Variants in ACSL6 observed in about 807,000 individuals in gnomAD.
ACSL6 encodes long-chain-fatty-acid--CoA ligase 6.
A neutral mutation model predicts 98.2 loss-of-function variants in ACSL6; 47 were observed. That is an observed-to-expected ratio of 0.48 (90% confidence interval 0.38 to 0.61). The LOEUF is 0.61. ACSL6 is among the 20% of genes least tolerant of loss of function. The pLI is 0.00. For missense variants in ACSL6, 761 were observed against 913.4 expected, an observed-to-expected ratio of 0.83 and a Z score of 2.15; for synonymous variants, 362 against 336.9, an observed-to-expected ratio of 1.07 and a Z score of -0.82.
chr5:131,985,178 G>A (rs1175798146), intron 9 of ACSL6: 3 of 571,570 alleles, frequency 5.2e-6, no homozygotes, highest in Non-Finnish European at 9.5e-6. Flanking sequence ...AGCTCTGGGA[G>A]GTGCCAAGCC....
intron 1 of ACSL6, among the ~76,000 whole-genome samples, chr5:132,008,532 G>A (rs1363588348): frequency 1.3e-5 from 2 of 152,018 alleles, no homozygotes; most frequent in African/African-American, 4.8e-5. Context: ...ACATCATAAC[G>A]ACCTCCTACT....
chr5:131,991,495 T>C (rs1446850225), intron 2 of ACSL6, among the ~76,000 whole-genome samples: 1 of 152,112 alleles, frequency 6.6e-6, no homozygotes, highest in Non-Finnish European at 1.5e-5. Flanking sequence ...GAAGGTTCTG[T>C]CCCAGGCACA....
At chr5:131,991,084 G>T in intron 2 of ACSL6, 117 bp from the exon 3 acceptor site, 1 of 792,072 alleles carries the variant, frequency 1.3e-6, no homozygotes, top group Non-Finnish European at 2.1e-6. Context: ...CATGCAGTTA[G>T]CACCGTGGCA....
In ACSL6 at chr5:131,973,128, T is replaced by A. The variant is rs150339306; in HGVS notation, c.1203+138A>T. ...CAGGAGAAGGAAGAATGAGAAAGAG[T>A]CAGGAACTACAAGAGAGGAGGCAAG... is the stretch of plus-strand genomic sequence containing the variant. On this transcript the variant is annotated intron_variant, in intron 12 of 20. Coordinates refer to ENST00000651883, the MANE Select transcript of ACSL6 (RefSeq NM_001009185.3). The A allele has an allele frequency of 1.2e-3, 1,436 of 1,199,224 alleles. 33 individuals are homozygous for A. The East Asian group carries it at 0.033, about 28-fold the overall frequency. The allele number at this position is 1,199,224 out of a possible 1,614,324, so 74.3% of individuals were successfully genotyped here. A position where few individuals can be genotyped will look rare whatever the true frequency, so the allele number is the denominator to read the frequency against.
intron 7 of ACSL6, among the ~76,000 whole-genome samples, chr5:131,987,620 G>A (rs1754268306): frequency 6.6e-6 from 1 of 152,212 alleles, no homozygotes; most frequent in African/African-American, 2.4e-5. Context: ...GGGAGGCCAG[G>A]CACAGAAACA....
At chr5:132,005,552 C>T (rs935298930) in intron 1 of ACSL6, among the ~76,000 whole-genome samples, 11 of 152,250 alleles carry the variant, frequency 7.2e-5, no homozygotes, top group Non-Finnish European at 1.3e-4. Flanking sequence ...CCTCTAGCTG[C>T]CCTTTCTATC....
At chr5:131,991,464 A>T (rs421377) in intron 2 of ACSL6, among the ~76,000 whole-genome samples, 95,885 of 152,052 alleles carry the variant, frequency 0.63, 34,049 homozygotes, top group Non-Finnish European at 0.81. Flanking sequence ...CACATAATGA[A>T]GTGAGTTAGA....
rs1375561134 is a variant in ACSL6 at position 131,951,126 on chromosome 5, T to C, written c.*3108A>G. 1 of 201,806 alleles carries C rather than the reference T, an allele frequency of 5.0e-6. No homozygotes were observed. The highest frequency in any genetic ancestry group is 1.0e-5 in the Non-Finnish European group (1 of 98,204). 12.5% of individuals were successfully genotyped at this position (201,806 alleles called of 1,614,324 possible). A position where few individuals can be genotyped will look rare whatever the true frequency, so the allele number is the denominator to read the frequency against. The stretch of plus-strand genomic sequence containing the variant: ...CACAAAAGGATCTGTTTGCAAAATA[T>C]GAGAATTACTAATACATTTGAATAA... On this transcript the variant is annotated 3_prime_UTR_variant, in exon 21 of 21. Coordinates refer to ENST00000651883, the MANE Select transcript of ACSL6 (RefSeq NM_001009185.3).
upstream of ACSL6, chr5:132,011,905 C>G (rs771034088): frequency 1.9e-6 from 3 of 1,556,002 alleles, no homozygotes; most frequent in Non-Finnish European, 2.6e-6. The surrounding 1 kb of genome is among the most constrained non-coding windows in gnomAD (Gnocchi z 5.4). Context: ...CGCTCTCCAA[C>G]GTCAGTACCT....
In ACSL6 at chr5:131,953,413, A is replaced by G. The variant is rs1296002035; in HGVS notation, c.*821T>C. The G allele has an allele frequency of 1.1e-5, 2 of 184,486 alleles. No individual in the cohort carries two copies. Among genetic ancestry groups the G allele is most frequent in the Non-Finnish European group, 2.3e-5 (2 of 86,980 alleles). 11.4% of individuals were successfully genotyped at this position (184,486 alleles called of 1,614,324 possible). ...AGGATCCCTTGAGCTCAGGAGTTTG[A>G]GACCAGCCTGAGCAAAATCTCTAAA... On this transcript the variant is annotated 3_prime_UTR_variant, in exon 21 of 21. Transcript: ENST00000651883.
At chr5:131,985,836 C>T (rs1034608772) in intron 8 of ACSL6, among the ~76,000 whole-genome samples, 1 of 152,188 alleles carries the variant, frequency 6.6e-6, no homozygotes, top group African/African-American at 2.4e-5. Context: ...CAGTTCCCTC[C>T]CTCCTTCCCA....
intron 1 of ACSL6, chr5:131,999,447 C>CCCACTAG (rs1254528553): frequency 6.6e-6 from 1 of 152,236 alleles, no homozygotes; most frequent in Non-Finnish European, 1.5e-5. Context: ...GAGGAGGCGG[C>CCCACTAG]TGAGCTCGTC....
At chr5:131,985,536 C>A (rs951832574) in intron 8 of ACSL6, 78 bp from the exon 9 acceptor site, 26 of 1,462,726 alleles carry the variant, frequency 1.8e-5, no homozygotes, top group South Asian at 1.4e-4. Flanking sequence ...GGCTCCCCAA[C>A]CAGCCAGGCC....
rs895233955 is a variant in ACSL6 at position 132,011,325 on chromosome 5, A to T, written c.49+180T>A. On this transcript the variant is annotated intron_variant, in intron 1 of 20. Coordinates refer to ENST00000651883, the MANE Select transcript of ACSL6 (RefSeq NM_001009185.3). The surrounding 1 kb of genome is among the most constrained non-coding windows in gnomAD (Gnocchi z 5.4). ...CAGGTGCTCCCCAAACCCGGCCCGG[A>T]GCCCGCGAGAACTGGGGGCGGAGGG... is the stretch of plus-strand genomic sequence containing the variant. The T allele has an allele frequency of 1.4e-5, 9 of 643,774 alleles. No individual in the cohort carries two copies. In the Admixed American group the frequency reaches 1.6e-4, roughly 12 times the overall value. 39.9% of individuals were successfully genotyped at this position (643,774 alleles called of 1,614,324 possible).
At chr5:132,009,487 G>A (rs1755594823) in intron 1 of ACSL6, among the ~76,000 whole-genome samples, 1 of 152,208 alleles carries the variant, frequency 6.6e-6, no homozygotes, top group Non-Finnish European at 1.5e-5. Flanking sequence ...GGGGCCAGGT[G>A]GAGTCTCAAG....
Position 131,988,901 on chromosome 5 carries a change from T to C in ACSL6, c.556A>G (p.Ile186Val). ...GVFAQNRPEW[I>V]IVELACYTYS... ...GTGTAGCAGGCCAGCTCCACAATGA[T>C]CCACTGTGGAGACACATGAGGCGGG... Residue 186 changes from isoleucine to valine, a missense_variant, in exon 6 of 21, where the codon ATC becomes GTC. Coordinates refer to ENST00000651883, the MANE Select transcript of ACSL6 (RefSeq NM_001009185.3). 2 of 1,611,540 alleles carry C rather than the reference T, an allele frequency of 1.2e-6. No individual in the cohort carries two copies. The highest frequency in any genetic ancestry group is 1.7e-6 in the Non-Finnish European group (2 of 1,178,792).
chr5:131,966,081 G>T (rs138006912), intron 17 of ACSL6, among the ~76,000 whole-genome samples: 113 of 152,272 alleles, frequency 7.4e-4, no homozygotes, highest in South Asian at 6.2e-3. Flanking sequence ...CTTCTCAGAC[G>T]TCCTAGAGAC....
In ACSL6 at chr5:131,971,624, G is replaced by A. The variant is rs760128883; in HGVS notation, c.1360C>T (p.Arg454Trp). 39 of 1,610,122 alleles carry A rather than the reference G, an allele frequency of 2.4e-5. No homozygotes were observed. The highest frequency in any genetic ancestry group is 1.0e-4 in the Admixed American group (6 of 59,826). ...KIQASLGGCV[R>W]MIVTGAAPAS... is the part of the protein sequence containing the mutation. ...GGGGCTGCTCCAGTAACAATCATCC[G>A]CACACACCCACCAAGACTGGCCTGT... The change falls in exon 14 of 21, where the codon CGG becomes TGG. Residue 454 changes from arginine to tryptophan, a missense_variant. Transcript: ENST00000651883.
intron 1 of ACSL6, among the ~76,000 whole-genome samples, chr5:132,003,332 C>A (rs899221394): frequency 6.6e-6 from 1 of 152,206 alleles, no homozygotes; most frequent in Admixed American, 6.5e-5. Context: ...GCTCTCCCTC[C>A]GGCAGCAAGC....
Sources: gnomAD v4.1 joint callset for allele counts (sites outside exome capture counted in the v4.1 genomes callset) on GRCh38, gnomAD v4.1.1 for gene constraint, Gnocchi (gnomAD v3.1) non-coding constraint, MANE v1.5 for transcripts, NCBI Gene and HGNC (gene_info 2026-07-23, HGNC 2026-07-21) for gene names.